The following ENTPD1 variants were observed in gnomAD, a reference collection of about 807,000 sequenced individuals.
ENTPD1 encodes ectonucleoside triphosphate diphosphohydrolase 1, also known as ATP diphosphohydrolase.
Under a neutral mutation model 57.0 loss-of-function variants are expected in ENTPD1, and 33 were observed. The ratio of observed to expected loss-of-function variants is 0.58; its 90% CI spans 0.44 to 0.77. The LOEUF (loss-of-function observed/expected upper bound fraction) is 0.77, where lower values mean the gene tolerates loss of function less well. Ranked by LOEUF, ENTPD1 falls within the 30% of genes least tolerant of loss-of-function variation. The pLI is 0.00. For synonymous variants in ENTPD1, 202 were observed against 218.8 expected (o/e 0.92, Z 0.68); for missense variants, 501 against 603.4 (o/e 0.83, Z 1.78).
upstream of ENTPD1, chr10:95,753,716 C>G (rs2098015837): frequency 6.6e-6 from 1 of 152,236 alleles, no homozygotes; most frequent in Admixed American, 6.5e-5. Flanking sequence ...AGAACTGTGG[C>G]TAGGCACTGT....
At chr10:95,750,879 C>T (rs187391348), upstream of ENTPD1, among the ~76,000 whole-genome samples, 8 of 152,198 alleles carry the variant, frequency 5.3e-5, no homozygotes, top group South Asian at 4.1e-4. Context: ...AAAAATTAGC[C>T]GGCCATGGTG....
intron 1 of ENTPD1, among the ~76,000 whole-genome samples, chr10:95,759,966 G>A (rs559705817): frequency 6.6e-6 from 1 of 152,252 alleles, no homozygotes; most frequent in African/African-American, 2.4e-5. Flanking sequence ...TAATGGATAC[G>A]TTCTACCTCC....
chr10:95,837,637 G>C (rs2098413179), intron 2 of ENTPD1, among the ~76,000 whole-genome samples: 1 of 152,164 alleles, frequency 6.6e-6, no homozygotes, highest in Non-Finnish European at 1.5e-5. Flanking sequence ...GGCAGGTCAA[G>C]GGTCCTTGCA....
chr10:95,707,735 G>A (rs149590629), upstream of ENTPD1, among the ~76,000 whole-genome samples: 529 of 152,296 alleles, frequency 3.5e-3, 4 homozygotes, highest in African/African-American at 0.012. Flanking sequence ...CTCCTGAGTA[G>A]CTGGGATTAT....
At chr10:95,703,958 G>C in the ENTPD1 span, among the ~76,000 whole-genome samples, 14 of 151,024 alleles carry the variant, frequency 9.3e-5, no homozygotes, top group Non-Finnish European at 1.5e-5. Context: ...AGGCATGGTG[G>C]TTCATGCCTG....
rs2098165491 is a variant in ENTPD1, at chr10:95,783,408, A to G, written c.16+27153A>G. On this transcript the variant is annotated intron_variant, in intron 1 of 9. Transcript: ENST00000371205. Reference sequence around the variant, plus strand: ...AGGTCTCTAAGGGTCCTTGGCTGGCACATCAAGGGGGCATTTCAAAGAAAG... The same window carrying G: ...AGGTCTCTAAGGGTCCTTGGCTGGCGCATCAAGGGGGCATTTCAAAGAAAG... Among the ~76,000 whole-genome samples the G allele has an allele frequency of 3.3e-5, 5 of 152,298 alleles. No individual in the cohort carries two copies. The South Asian group carries it at 1.0e-3, about 32-fold the overall frequency.
rs575084529 is a variant in ENTPD1 at position 95,790,672 on chromosome 10, C to A, written c.17-32565C>A. Among the ~76,000 whole-genome samples, 4 of 152,062 alleles carry A rather than the reference C, an allele frequency of 2.6e-5. No individual in the cohort carries two copies. The East Asian group carries it at 7.7e-4, about 29-fold the overall frequency. On this transcript the variant is annotated intron_variant, in intron 1 of 9. Coordinates refer to ENST00000371205, the MANE Select transcript of ENTPD1 (RefSeq NM_001776.6). ...TTTGCTGTTTTTGGAATATTTTAAG[C>A]AAATCTCAAATATTATATCATTTTA...
At position 95,720,229 on chromosome 10, in the gene ENTPD1, G is replaced by T. The variant is rs1371978221; in HGVS notation, c.37+8236G>T. Among the ~76,000 whole-genome samples the T allele has an allele frequency of 4.6e-5, 7 of 152,130 alleles. No individual in the cohort carries two copies. In the East Asian group the frequency reaches 5.8e-4, roughly 13 times the overall value. On this transcript the variant is annotated intron_variant, in intron 1 of 9. Transcript: ENST00000453258. ...CTTTAGTTTAACTTGAACAGAACAG[G>T]CATTCTTTGCTCGTCCATATTGTCC...
intron 1 of ENTPD1, among the ~76,000 whole-genome samples, chr10:95,794,251 GA>G (rs914022951): frequency 3.4e-4 from 51 of 150,658 alleles, no homozygotes; most frequent in South Asian, 4.2e-4. Context: ...CCAAAAATGT[GA>G]AAAAAAAAGT....
rs532007716 is a variant in ENTPD1, at chr10:95,780,849, T to C, written c.16+24594T>C. Among the ~76,000 whole-genome samples, 39 of 152,290 alleles carry C rather than the reference T, an allele frequency of 2.6e-4. 1 individual carries two copies. The South Asian group carries it at 7.9e-3, about 31-fold the overall frequency. ...GACAGGGGAAACTGAATTCAGACCT[T>C]ATGTGACAGGAGTGGACTAAAACCA... On this transcript the variant is annotated intron_variant, in intron 1 of 9. Transcript: ENST00000371205.
rs115864216 is a variant in ENTPD1, at chr10:95,849,276, A to G, written c.1074+1570A>G. 7.2e-3 allele frequency among the ~76,000 whole-genome samples: 1,097 copies of G among 152,342 alleles called. 14 individuals are homozygous for G. Among genetic ancestry groups the G allele is most frequent in the African/African-American group, 0.025 (1,037 of 41,568 alleles). On this transcript the variant is annotated intron_variant, in intron 7 of 9. Transcript: ENST00000371205. ...ATTATTATAATCATAGTTTAGTAGC[A>G]TATTGAAAAATTAGCTACCATCTGT...
chr10:95,697,436 G>C, the ENTPD1 span, among the ~76,000 whole-genome samples: 1 of 152,142 alleles, frequency 6.6e-6, no homozygotes, highest in Non-Finnish European at 1.5e-5. Flanking sequence ...CTAGGTTTGC[G>C]TGTCTCCTCC....
Position 95,867,468 on chromosome 10 carries a change from C to CTTAT in ENTPD1, c.*1088_*1091dup. 1 of 985,434 alleles carries CTTAT rather than the reference C, an allele frequency of 1.0e-6. No individual in the cohort carries two copies. Among genetic ancestry groups the CTTAT allele is most frequent in the Non-Finnish European group, 1.2e-6 (1 of 829,928 alleles). 61.0% of individuals were successfully genotyped at this position (985,434 alleles called of 1,614,324 possible). On this transcript the variant is annotated 3_prime_UTR_variant, in exon 10 of 10. Transcript: ENST00000371205. Reference sequence around the variant, plus strand: ...ACTGAGTTTTAAAGCCAAGCCACATCTTATTTTTCCAAGGTTTAATTTAGT... The same window carrying CTTAT: ...ACTGAGTTTTAAAGCCAAGCCACATCTTATTTATTTTTCCAAGGTTTAATTTAGT...
intron 1 of ENTPD1, among the ~76,000 whole-genome samples, chr10:95,818,010 G>T (rs781178607): frequency 4.6e-5 from 7 of 152,158 alleles, no homozygotes; most frequent in Non-Finnish European, 1.0e-4. Context: ...AAACTGAAAT[G>T]GTTCAAGCTA....
chr10:95,872,337 C>G lies in ENTPD1; in HGVS notation c.*5954C>G, dbSNP rs2098481424. ...AATGATCCATGGCCGCCAGCTCTCT[C>G]CAGGCTCATATCCCACTCCACTCCT... On this transcript the variant is annotated 3_prime_UTR_variant, in exon 10 of 10. Coordinates refer to ENST00000371205, the MANE Select transcript of ENTPD1 (RefSeq NM_001776.6). 1.0e-6 allele frequency: 1 copy of G among 985,302 alleles called. No individual in the cohort carries two copies. The highest frequency in any genetic ancestry group is 1.7e-5 in the African/African-American group (1 of 57,226). 61.0% of individuals were successfully genotyped at this position (985,302 alleles called of 1,614,324 possible). A position where few individuals can be genotyped will look rare whatever the true frequency, so the allele number is the denominator to read the frequency against.
chr10:95,876,211 T>C lies in ENTPD1; in HGVS notation c.*9828T>C. 1 of 978,716 alleles carries C rather than the reference T, an allele frequency of 1.0e-6. No homozygotes were observed. The highest frequency in any genetic ancestry group is 1.2e-6 in the Non-Finnish European group (1 of 823,860). The allele number at this position is 978,716 out of a possible 1,614,324, so 60.6% of individuals were successfully genotyped here. ...TTAGGTATATTTATAAATACTCCTA[T>C]AAAAATGTAAAGAAACACATAATGT... On this transcript the variant is annotated 3_prime_UTR_variant, in exon 10 of 10. Coordinates refer to ENST00000371205, the MANE Select transcript of ENTPD1 (RefSeq NM_001776.6).
At chr10:95,809,393 CCCCCAG>C (rs1377239443) in intron 1 of ENTPD1, among the ~76,000 whole-genome samples, 1 of 149,710 alleles carries the variant, frequency 6.7e-6, no homozygotes, top group Non-Finnish European at 1.5e-5. Context: ...CGCCCCCCAC[CCCCCAG>C]ACGGGGAGGC....
In ENTPD1 at chr10:95,874,508, T is replaced by A. The variant is rs1013441015; in HGVS notation, c.*8125T>A. Among the ~76,000 whole-genome samples the A allele has an allele frequency of 6.6e-6, 1 of 152,210 alleles. No individual in the cohort carries two copies. The highest frequency in any genetic ancestry group is 2.1e-4 in the South Asian group (1 of 4,828). On this transcript the variant is annotated 3_prime_UTR_variant, in exon 10 of 10. Transcript: ENST00000371205. ...GCTGCTTTCTCAGGCTGATGTTGAG[T>A]GTCTGTAGCTTTTCCAGGCACAAGA...
Position 95,842,289 on chromosome 10 carries a change from G to A in ENTPD1, c.263-55G>A. On this transcript the variant is annotated intron_variant, in intron 3 of 9. Transcript: ENST00000371205. ...CCATATTTTGATCTACTATTGTCAAGGTATGTTTTATAATTTTTTTTTAAA... is the reference window on the plus strand; with the variant it reads ...CCATATTTTGATCTACTATTGTCAAAGTATGTTTTATAATTTTTTTTTAAA... The A allele has an allele frequency of 2.0e-6, 3 of 1,491,016 alleles. No homozygotes were observed. The South Asian group carries it at 3.5e-5, about 17-fold the overall frequency. 92.4% of individuals were successfully genotyped at this position (1,491,016 alleles called of 1,614,324 possible). A position where few individuals can be genotyped will look rare whatever the true frequency, so the allele number is the denominator to read the frequency against.
Sources: gnomAD v4.1 joint callset for allele counts (sites outside exome capture counted in the v4.1 genomes callset) on GRCh38, gnomAD v4.1.1 for gene constraint, MANE v1.5 for transcripts, NCBI Gene and HGNC (gene_info 2026-07-23, HGNC 2026-07-21) for gene names.